Variants in GALNT13 observed in about 807,000 individuals in gnomAD.
GALNT13 encodes polypeptide N-acetylgalactosaminyltransferase 13.
Under a neutral mutation model 64.2 loss-of-function variants are expected in GALNT13, and 28 were observed. The observed-to-expected ratio is 0.44, with a 90% CI of 0.32 to 0.60. The LOEUF is 0.60. GALNT13 is among the 20% of genes least tolerant of loss of function. GALNT13 has a pLI of 0.05. For missense variants in GALNT13, 577 were observed against 669.8 expected (o/e 0.86, Z 1.53); for synonymous variants, 214 against 224.6 (o/e 0.95, Z 0.42).
At chr2:153,504,595 G>C in the GALNT13 span, among the ~76,000 whole-genome samples, 2 of 152,220 alleles carry the variant, frequency 1.3e-5, no homozygotes, top group South Asian at 4.1e-4. Flanking sequence ...AATCATAAAC[G>C]GATGCTGGAT....
intron 3 of GALNT13, among the ~76,000 whole-genome samples, chr2:154,066,425 A>T (rs1700464977): frequency 6.6e-6 from 1 of 152,102 alleles, no homozygotes; most frequent in African/African-American, 2.4e-5. Flanking sequence ...CTACCTCAAG[A>T]CATTTAATAA....
At chr2:153,654,608 A>G in the GALNT13 span, among the ~76,000 whole-genome samples, 5 of 152,094 alleles carry the variant, frequency 3.3e-5, no homozygotes, top group Admixed American at 1.3e-4. Context: ...GGATTCAACC[A>G]TCTGAGGATC....
chr2:153,126,060 C>CT, the GALNT13 span, among the ~76,000 whole-genome samples: 1 of 151,528 alleles, frequency 6.6e-6, no homozygotes, highest in African/African-American at 2.4e-5. Context: ...CCTATAAATG[C>CT]TTTAAATTTA....
chr2:153,968,905 T>C (rs919844437), intron 3 of GALNT13, among the ~76,000 whole-genome samples: 4 of 152,196 alleles, frequency 2.6e-5, no homozygotes, highest in Non-Finnish European at 5.9e-5. Context: ...TCATTTCATT[T>C]AAACACATTT....
At chr2:153,797,417 T>G in the GALNT13 span, among the ~76,000 whole-genome samples, 2 of 152,192 alleles carry the variant, frequency 1.3e-5, no homozygotes, top group South Asian at 4.1e-4. Context: ...TGAACTATTC[T>G]CCACACTGAC....
At chr2:153,077,853 G>A in the GALNT13 span, among the ~76,000 whole-genome samples, 4,413 of 152,214 alleles carry the variant, frequency 0.029, 221 homozygotes, top group African/African-American at 0.1. Flanking sequence ...TGTTTGCTTC[G>A]GAATTTATCA....
chr2:153,767,548 C>T, the GALNT13 span, among the ~76,000 whole-genome samples: 1 of 152,216 alleles, frequency 6.6e-6, no homozygotes. Flanking sequence ...AGAAGTTGAA[C>T]TTATTTACAT....
chr2:154,276,618 G>T (rs1031217540), intron 8 of GALNT13, among the ~76,000 whole-genome samples: 5 of 152,196 alleles, frequency 3.3e-5, no homozygotes, highest in Non-Finnish European at 7.3e-5. Context: ...TCCTCATTGG[G>T]AATGCATGAT....
chr2:154,449,426 C>CAAA (rs201483247), intron 12 of GALNT13, among the ~76,000 whole-genome samples: 137 of 105,740 alleles, frequency 1.3e-3, no homozygotes, highest in Non-Finnish European at 2.0e-3. Context: ...TATCATGAGC[C>CAAA]AAAAAAAAAA....
At chr2:154,027,006 G>A (rs922961953) in intron 3 of GALNT13, among the ~76,000 whole-genome samples, 6 of 152,202 alleles carry the variant, frequency 3.9e-5, no homozygotes, top group African/African-American at 1.4e-4. Context: ...GTAGGGTGAA[G>A]GAGCTGGAGG....
chr2:153,775,076 C>T, the GALNT13 span, among the ~76,000 whole-genome samples: 4 of 152,034 alleles, frequency 2.6e-5, no homozygotes, highest in Non-Finnish European at 1.5e-5. Flanking sequence ...TACATATTGC[C>T]TTAATGACTG....
the GALNT13 span, among the ~76,000 whole-genome samples, chr2:153,261,009 A>G: frequency 3.1e-3 from 476 of 152,210 alleles, 1 homozygote; most frequent in Middle Eastern, 0.014. Flanking sequence ...TCTTCAGTAT[A>G]TCAGTGCATT....
At chr2:153,763,949 G>C in the GALNT13 span, among the ~76,000 whole-genome samples, 35 of 151,960 alleles carry the variant, frequency 2.3e-4, no homozygotes, top group African/African-American at 8.0e-4. Flanking sequence ...GAACTTCCTA[G>C]AGACTTGGAG....
intron 8 of GALNT13, among the ~76,000 whole-genome samples, chr2:154,278,812 A>G (rs1381120431): frequency 1.3e-5 from 2 of 152,126 alleles, no homozygotes; most frequent in East Asian, 1.9e-4. Flanking sequence ...GTAGTGGGGG[A>G]AAAATCTTTT....
chr2:153,139,994 A>C, the GALNT13 span, among the ~76,000 whole-genome samples: 1 of 151,996 alleles, frequency 6.6e-6, no homozygotes, highest in Non-Finnish European at 1.5e-5. Context: ...CTCCACTTAC[A>C]AACTTCTTTA....
the GALNT13 span, among the ~76,000 whole-genome samples, chr2:153,489,302 A>AT: frequency 6.6e-6 from 1 of 152,224 alleles, no homozygotes; most frequent in Non-Finnish European, 1.5e-5. Flanking sequence ...CAAAAGGCAC[A>AT]TGTAAGCATG....
the GALNT13 span, among the ~76,000 whole-genome samples, chr2:153,165,625 A>G: frequency 6.6e-6 from 1 of 152,136 alleles, no homozygotes; most frequent in Non-Finnish European, 1.5e-5. Context: ...ATATACACTA[A>G]TTGTGGAAAC....
rs1398352217 is a variant in GALNT13 at position 154,169,481 on chromosome 2, G to A, written c.311+28976G>A. ...GCAGCATACCACTGAGTTGACTTGA[G>A]TTATGAAGTCTGAATGGAATCTTCT... On this transcript the variant is annotated intron_variant, in intron 4 of 12. Coordinates refer to ENST00000392825, the MANE Select transcript of GALNT13 (RefSeq NM_052917.4). Among the ~76,000 whole-genome samples the A allele has an allele frequency of 2.6e-5, 4 of 152,132 alleles. No homozygotes were observed. In the South Asian group the frequency reaches 6.2e-4, roughly 24 times the overall value.
At chr2:153,216,568 G>T in the GALNT13 span, among the ~76,000 whole-genome samples, 1 of 151,994 alleles carries the variant, frequency 6.6e-6, no homozygotes, top group Non-Finnish European at 1.5e-5. Flanking sequence ...GACTAATGAT[G>T]TTGGACATAT....
Sources: gnomAD v4.1 joint callset for allele counts (sites outside exome capture counted in the v4.1 genomes callset) on GRCh38, gnomAD v4.1.1 for gene constraint, MANE v1.5 for transcripts, NCBI Gene and HGNC (gene_info 2026-07-23, HGNC 2026-07-21) for gene names.